Variants in CAPN2 observed in about 807,000 individuals in gnomAD.
The protein encoded by CAPN2 is calpain 2, also known as calpain-2 catalytic subunit.
Under a neutral mutation model 102.3 loss-of-function variants are expected in CAPN2, and 92 were observed. The observed-to-expected ratio is 0.90, with a 90% CI of 0.76 to 1.07. The LOEUF (loss-of-function observed/expected upper bound fraction) is 1.07. CAPN2 is among the 50% of genes least tolerant of loss of function. The pLI is 0.00. For missense variants in CAPN2, 800 were observed against 909.4 expected (o/e 0.88, Z 1.55); for synonymous variants, 340 against 355.4 (o/e 0.96, Z 0.49).
intron 1 of CAPN2, among the ~76,000 whole-genome samples, chr1:223,713,286 G>T (rs1659791127): frequency 6.6e-6 from 1 of 152,146 alleles, no homozygotes; most frequent in Non-Finnish European, 1.5e-5. Flanking sequence ...GCATCTACCA[G>T]ACAAAGTCCG....
intron 2 of CAPN2, among the ~76,000 whole-genome samples, chr1:223,737,720 G>GT (rs1223273914): frequency 0.12 from 123 of 1,060 alleles, 22 homozygotes; most frequent in Middle Eastern, 0.5. Flanking sequence ...GGGGTGGGGG[G>GT]GAGAGAATAC....
intron 1 of CAPN2, among the ~76,000 whole-genome samples, chr1:223,704,947 C>T (rs769511719): frequency 2.0e-5 from 3 of 152,074 alleles, no homozygotes; most frequent in African/African-American, 4.8e-5. Flanking sequence ...TAGTTGGCTG[C>T]CCCCAGCCCC....
At chr1:223,721,938 A>T (rs557579197) in intron 2 of CAPN2, among the ~76,000 whole-genome samples, 2 of 152,352 alleles carry the variant, frequency 1.3e-5, no homozygotes, top group East Asian at 3.9e-4. Flanking sequence ...GACCAGGATT[A>T]TCATTACTGA....
intron 6 of CAPN2, among the ~76,000 whole-genome samples, chr1:223,750,563 A>C (rs1488282650): frequency 6.6e-6 from 1 of 152,214 alleles, no homozygotes; most frequent in African/African-American, 2.4e-5. Context: ...CAAATGGTAA[A>C]GCTTCTCTGA....
intron 2 of CAPN2, among the ~76,000 whole-genome samples, chr1:223,742,613 G>A (rs1048275166): frequency 5.4e-5 from 8 of 148,952 alleles, no homozygotes; most frequent in Non-Finnish European, 1.2e-4. Context: ...TCCACCTCCT[G>A]AGCTCAAATA....
chr1:223,715,393 G>A (rs2102772888), intron 1 of CAPN2, among the ~76,000 whole-genome samples: 1 of 152,200 alleles, frequency 6.6e-6, no homozygotes, highest in Non-Finnish European at 1.5e-5. Context: ...AGAACAACTT[G>A]AATGTGTCAT....
chr1:223,771,800 TA>T lies in CAPN2; in HGVS notation c.1904-7del. ...TTAGCAATGAGTTTGTTTGTTCATG[TA>T]ACTTCAGGTTTCAAGATGCCCTGTC... On this transcript the variant is annotated splice_region_variant and splice_polypyrimidine_tract_variant and intron_variant, in intron 18 of 20. Coordinates refer to ENST00000295006, the MANE Select transcript of CAPN2 (RefSeq NM_001748.5). 1 of 1,571,258 alleles carries T rather than the reference TA, an allele frequency of 6.4e-7. No individual in the cohort carries two copies. The highest frequency in any genetic ancestry group is 8.8e-7 in the Non-Finnish European group (1 of 1,140,874).
At chr1:223,742,306 C>A (rs764037444) in intron 2 of CAPN2, among the ~76,000 whole-genome samples, 3 of 151,832 alleles carry the variant, frequency 2.0e-5, no homozygotes, top group Non-Finnish European at 4.4e-5. Context: ...GCAGGAGAAT[C>A]ACTTGAACCC....
intron 2 of CAPN2, among the ~76,000 whole-genome samples, chr1:223,720,888 A>C (rs1363558820): frequency 1.3e-5 from 2 of 152,000 alleles, no homozygotes; most frequent in African/African-American, 4.8e-5. Context: ...TGCTCCCTCC[A>C]ATTTGCCATA....
chr1:223,757,026 G>A (rs1296811039), intron 10 of CAPN2, among the ~76,000 whole-genome samples: 3 of 152,212 alleles, frequency 2.0e-5, no homozygotes, highest in Admixed American at 1.3e-4. Flanking sequence ...AGCCCCAGGT[G>A]TATTTCACCT....
chr1:223,752,119 C>A, intron 8 of CAPN2, 48 bp downstream of exon 8: 2 of 1,315,774 alleles, frequency 1.5e-6, no homozygotes, highest in South Asian at 2.4e-5. Context: ...CCCCAATGTT[C>A]TTTACTAGAA....
At chr1:223,766,942 A>G (rs1439333835) in intron 16 of CAPN2, among the ~76,000 whole-genome samples, 1 of 151,698 alleles carries the variant, frequency 6.6e-6, no homozygotes, top group Admixed American at 6.6e-5. Flanking sequence ...CCTGGGTGAC[A>G]GAGCGTGACT....
At chr1:223,769,249 T>G (rs1380936493) in intron 16 of CAPN2, among the ~76,000 whole-genome samples, 1 of 152,062 alleles carries the variant, frequency 6.6e-6, no homozygotes, top group African/African-American at 2.4e-5. Flanking sequence ...GCCTCCCTAG[T>G]AGCTAGGACT....
chr1:223,753,121 C>T (rs562665559), intron 9 of CAPN2, among the ~76,000 whole-genome samples, 165 bp downstream of exon 9: 3 of 149,276 alleles, frequency 2.0e-5, no homozygotes, highest in African/African-American at 7.7e-5. Flanking sequence ...TTTTCTTTTC[C>T]CTGAGCCTTT....
At chr1:223,714,621 T>TAAA (rs373544472) in intron 1 of CAPN2, among the ~76,000 whole-genome samples, 1,371 of 130,890 alleles carry the variant, frequency 0.01, 33 homozygotes, top group African/African-American at 0.036. Context: ...TATAAAAAAG[T>TAAA]AAAAAAAAAA....
chr1:223,719,364 C>T (rs1659966658), intron 2 of CAPN2, among the ~76,000 whole-genome samples: 1 of 152,102 alleles, frequency 6.6e-6, no homozygotes, highest in African/African-American at 2.4e-5. Flanking sequence ...TGGTCAAACC[C>T]TGTCTCTACT....
intron 1 of CAPN2, among the ~76,000 whole-genome samples, chr1:223,717,304 G>A (rs1659903439): frequency 6.6e-6 from 1 of 152,140 alleles, no homozygotes; most frequent in South Asian, 2.1e-4. Flanking sequence ...TGAGCCTCAA[G>A]GTATGATGCA....
chr1:223,751,929 C>A, intron 7 of CAPN2, 68 bp from the exon 8 acceptor site: 1 of 1,072,692 alleles, frequency 9.3e-7, no homozygotes, highest in East Asian at 2.4e-5. Context: ...GTCCCTCTTC[C>A]TCAACTCTGG....
In CAPN2 at chr1:223,774,900, C is replaced by T; in HGVS notation, c.*43C>T. 2 of 1,555,286 alleles carry T rather than the reference C, an allele frequency of 1.3e-6. No individual in the cohort carries two copies. The highest frequency in any genetic ancestry group is 1.8e-6 in the Non-Finnish European group (2 of 1,128,422). ...CTGAAGACTTCTCATGATGGAAAAT[C>T]AGCCAAGGACTAAGCTTCCATAGAA... On this transcript the variant is annotated 3_prime_UTR_variant, in exon 21 of 21. Coordinates refer to ENST00000295006, the MANE Select transcript of CAPN2 (RefSeq NM_001748.5).
Sources: gnomAD v4.1 joint callset for allele counts (sites outside exome capture counted in the v4.1 genomes callset) on GRCh38, gnomAD v4.1.1 for gene constraint, MANE v1.5 for transcripts, NCBI Gene and HGNC (gene_info 2026-07-23, HGNC 2026-07-21) for gene names.